Variants in TMEM87B observed in about 807,000 individuals in gnomAD.
TMEM87B encodes the protein transmembrane protein 87B.
Under a neutral mutation model 80.3 loss-of-function variants are expected in TMEM87B, and 83 were observed. The observed-to-expected ratio is 1.03, with a 90% confidence interval of 0.87 to 1.24. TMEM87B has a LOEUF of 1.24. TMEM87B is among the 50% of genes most tolerant of loss of function. The pLI is 0.00. For missense variants in TMEM87B, 625 were observed against 674.4 expected (o/e 0.93, Z 0.81); for synonymous variants, 219 against 230.5 (o/e 0.95, Z 0.45).
chr2:112,107,957 C>A (rs1679816952), intron 17 of TMEM87B, 117 bp downstream of exon 17: 2 of 544,144 alleles, frequency 3.7e-6, no homozygotes, highest in Non-Finnish European at 6.4e-6. Context: ...CTTGGGTAAG[C>A]CCCTATCACC....
chr2:112,079,913 C>T, intron 6 of TMEM87B, among the ~76,000 whole-genome samples: 1 of 143,070 alleles, frequency 7.0e-6, no homozygotes, highest in East Asian at 2.1e-4. Context: ...TGAGAAACAT[C>T]TAGGTCCCTT....
chr2:112,087,855 C>T (rs1007463400), intron 9 of TMEM87B, among the ~76,000 whole-genome samples: 6 of 152,200 alleles, frequency 3.9e-5, no homozygotes, highest in African/African-American at 1.2e-4. Context: ...ATGACCTCAC[C>T]TGCCATATCA....
chr2:112,068,664 G>A (rs564228540), intron 4 of TMEM87B, among the ~76,000 whole-genome samples: 146 of 151,444 alleles, frequency 9.6e-4, no homozygotes, highest in African/African-American at 3.3e-3. Flanking sequence ...AGATCATGCC[G>A]CTGCACTCCA....
intron 14 of TMEM87B, among the ~76,000 whole-genome samples, chr2:112,098,922 G>A (rs1013528779): frequency 2.6e-5 from 4 of 152,184 alleles, no homozygotes; most frequent in Non-Finnish European, 4.4e-5. Flanking sequence ...AAGCGACAGC[G>A]CTTACATTAC....
intron 4 of TMEM87B, among the ~76,000 whole-genome samples, chr2:112,073,961 A>G (rs540981486): frequency 1.3e-5 from 2 of 151,708 alleles, no homozygotes; most frequent in South Asian, 2.1e-4. Flanking sequence ...TTTTTCTCCA[A>G]CCCTTTATTT....
intron 17 of TMEM87B, among the ~76,000 whole-genome samples, chr2:112,108,484 TTTTG>T (rs1240822549): frequency 6.6e-6 from 1 of 152,208 alleles, no homozygotes; most frequent in Non-Finnish European, 1.5e-5. Context: ...TCTGTCAGAT[TTTTG>T]TTTGTCTGAA....
chr2:112,081,902 C>T (rs1389046435), intron 8 of TMEM87B, among the ~76,000 whole-genome samples: 1 of 152,094 alleles, frequency 6.6e-6, no homozygotes, highest in Non-Finnish European at 1.5e-5. Context: ...CTTCAAAAAA[C>T]GAAAGGAAAT....
intron 1 of TMEM87B, among the ~76,000 whole-genome samples, chr2:112,058,653 T>C (rs1678155460): frequency 6.6e-6 from 1 of 152,184 alleles, no homozygotes; most frequent in African/African-American, 2.4e-5. Context: ...GAGGGAGCCA[T>C]TGAAAGATCT....
At chr2:112,082,471 C>T (rs1052835861) in intron 8 of TMEM87B, among the ~76,000 whole-genome samples, 2 of 152,214 alleles carry the variant, frequency 1.3e-5, no homozygotes, top group Non-Finnish European at 2.9e-5. Flanking sequence ...TTTGGCGTAA[C>T]GTTGCTAATT....
At chr2:112,089,528 C>T (rs900647732) in intron 9 of TMEM87B, 97 bp from the exon 10 acceptor site, 1 of 1,090,982 alleles carries the variant, frequency 9.2e-7, no homozygotes, top group Non-Finnish European at 1.4e-6. Flanking sequence ...TAGATAGTGA[C>T]TTCCTGGTAT....
intron 13 of TMEM87B, among the ~76,000 whole-genome samples, chr2:112,098,004 C>G (rs898280894): frequency 1.3e-5 from 2 of 150,534 alleles, no homozygotes; most frequent in Admixed American, 1.3e-4. Flanking sequence ...TGAGATGAGT[C>G]TCACTCCGTC....
intron 3 of TMEM87B, among the ~76,000 whole-genome samples, chr2:112,065,998 GTT>G (rs983912414): frequency 6.6e-6 from 1 of 152,226 alleles, no homozygotes; most frequent in African/African-American, 2.4e-5. Flanking sequence ...AATTTGATCA[GTT>G]GGTCAAGGAC....
rs1294604681 is a variant in TMEM87B at position 112,112,944 on chromosome 2, T to C, written c.1608+15T>C. On this transcript the variant is annotated intron_variant, in intron 18 of 18. Transcript: ENST00000283206. ...ATTCAGATGAGGTAAAATATATTTTTGCATATTTCCTTGGAGCTGATATTT... is the reference window on the plus strand; with the variant it reads ...ATTCAGATGAGGTAAAATATATTTTCGCATATTTCCTTGGAGCTGATATTT... The C allele has an allele frequency of 1.2e-6, 2 of 1,610,476 alleles. No homozygotes were observed. The highest frequency in any genetic ancestry group is 1.7e-6 in the Non-Finnish European group (2 of 1,177,518).
chr2:112,112,467 C>T lies in TMEM87B; in HGVS notation c.1578-432C>T, dbSNP rs144077773. ...TTTTGGATGAGCACATTTGTGTAAT[C>T]GTCACCCAGATCAAAAAACAGAATA... is the stretch of plus-strand genomic sequence containing the variant. On this transcript the variant is annotated intron_variant, in intron 17 of 18. Transcript: ENST00000283206. 1.9e-4 allele frequency among the ~76,000 whole-genome samples: 29 copies of T among 152,244 alleles called. No individual in the cohort carries two copies. In the East Asian group the frequency reaches 4.1e-3, roughly 21 times the overall value.
chr2:112,098,484 T>A, intron 13 of TMEM87B, 111 bp from the exon 14 acceptor site: 1 of 931,806 alleles, frequency 1.1e-6, no homozygotes, highest in Admixed American at 2.4e-5. Context: ...TTTGGAAGAC[T>A]TACTGGTTGG....
chr2:112,066,771 A>C (rs1383186025), intron 3 of TMEM87B, among the ~76,000 whole-genome samples, 165 bp from the exon 4 acceptor site: 1 of 152,244 alleles, frequency 6.6e-6, no homozygotes, highest in Admixed American at 6.5e-5. Flanking sequence ...AATTATATTA[A>C]AATTATATTC....
At chr2:112,071,364 C>T (rs901821932) in intron 4 of TMEM87B, among the ~76,000 whole-genome samples, 1 of 147,716 alleles carries the variant, frequency 6.8e-6, no homozygotes, top group Non-Finnish European at 1.5e-5. Context: ...TGCAATGGCG[C>T]AGTCTCTGCT....
intron 4 of TMEM87B, among the ~76,000 whole-genome samples, chr2:112,071,542 A>G (rs889166978): frequency 1.3e-5 from 2 of 151,670 alleles, no homozygotes; most frequent in Non-Finnish European, 2.9e-5. Flanking sequence ...CCTGACCTTA[A>G]GTGATCCTGC....
intron 2 of TMEM87B, among the ~76,000 whole-genome samples, chr2:112,062,283 A>G (rs1278783442): frequency 1.3e-5 from 2 of 152,222 alleles, no homozygotes; most frequent in African/African-American, 4.8e-5. Context: ...TTTTAAGGCA[A>G]CCTCTCTTCT....
Sources: allele counts gnomAD v4.1 joint callset (sites outside exome capture counted in the v4.1 genomes callset), GRCh38; gene constraint gnomAD v4.1.1; transcripts MANE v1.5; gene names NCBI Gene and HGNC (gene_info 2026-07-23, HGNC 2026-07-21).